NDUFAF6: variants seen among roughly 807,000 people sequenced by gnomAD.
The protein encoded by NDUFAF6 is NADH:ubiquinone oxidoreductase complex assembly factor 6, also known as NADH dehydrogenase (ubiquinone) complex I, assembly factor 6.
Under a neutral mutation model 40.8 loss-of-function variants are expected in NDUFAF6, and 45 were observed. The ratio of observed to expected loss-of-function variants is 1.10; its 90% CI spans 0.87 to 1.42. The LOEUF is 1.42. Ranked by LOEUF, NDUFAF6 falls within the 40% of genes most tolerant of loss-of-function variation. The probability of loss-of-function intolerance (pLI) is 0.00; values close to 1 mark genes in which losing one functional copy is unlikely to be tolerated. For synonymous variants in NDUFAF6, 185 were observed against 155.9 expected, an observed-to-expected ratio of 1.19 and a Z score of -1.39; for missense variants, 435 against 418.5, an observed-to-expected ratio of 1.04 and a Z score of -0.34.
At chr8:94,968,041 G>A (rs1824160684) in intron 1 of NDUFAF6, among the ~76,000 whole-genome samples, 2 of 152,146 alleles carry the variant, frequency 1.3e-5, no homozygotes, top group Admixed American at 1.3e-4. Flanking sequence ...GTAGTTGGCA[G>A]GCCCCAGGTC....
At chr8:95,010,727 T>C (rs1235341004) in intron 2 of NDUFAF6, among the ~76,000 whole-genome samples, 2 of 151,958 alleles carry the variant, frequency 1.3e-5, no homozygotes, top group African/African-American at 4.8e-5. Flanking sequence ...TTTCAGACTC[T>C]TTAAAAAAAA....
intron 3 of NDUFAF6, among the ~76,000 whole-genome samples, 180 bp downstream of exon 3, chr8:95,035,756 T>C (rs1829432226): frequency 6.6e-6 from 1 of 152,234 alleles, no homozygotes; most frequent in Admixed American, 6.5e-5. Context: ...ACTGATAATT[T>C]ACACACATCT....
chr8:94,941,903 C>G (rs1821573306), intron 1 of NDUFAF6, among the ~76,000 whole-genome samples: 1 of 152,156 alleles, frequency 6.6e-6, no homozygotes, highest in African/African-American at 2.4e-5. Flanking sequence ...ATGGGCGTAT[C>G]AAACCAAACA....
intron 1 of NDUFAF6, among the ~76,000 whole-genome samples, chr8:94,932,345 G>A (rs1198565717): frequency 6.6e-6 from 1 of 152,158 alleles, no homozygotes; most frequent in Non-Finnish European, 1.5e-5. Context: ...TCAATTTTCT[G>A]TGCTTTATGG....
chr8:94,904,292 C>T (rs1208912121), intron 1 of NDUFAF6, among the ~76,000 whole-genome samples: 2 of 146,064 alleles, frequency 1.4e-5, no homozygotes, highest in African/African-American at 5.2e-5. Flanking sequence ...TACAGGCACC[C>T]ACCATCACAC....
chr8:94,983,490 G>A (rs1385632923), intron 2 of NDUFAF6, among the ~76,000 whole-genome samples: 1 of 151,738 alleles, frequency 6.6e-6, no homozygotes, highest in Non-Finnish European at 1.5e-5. Flanking sequence ...GGTCTTGAAC[G>A]CCTGACCTCA....
downstream of NDUFAF6, among the ~76,000 whole-genome samples, chr8:95,077,442 T>G (rs1563856525): frequency 1.3e-5 from 2 of 152,186 alleles, no homozygotes; most frequent in African/African-American, 4.8e-5. Flanking sequence ...ACTAAGTCAC[T>G]AACTAAGTGA....
At chr8:95,044,451 C>CTTTTTTTTT (rs71273446) in intron 4 of NDUFAF6, 5 of 123,710 alleles carry the variant, frequency 4.0e-5, no homozygotes, top group African/African-American at 6.3e-5. Flanking sequence ...ATGTCATTTT[C>CTTTTTTTTT]TTTTTTTTTT....
At position 94,952,553 on chromosome 8, in the gene NDUFAF6, A is replaced by C. The variant is rs77285099; in HGVS notation, c.-798-5442A>C. ...ATCACTTAGCATTCCAGTGACATCTATTGTCTTAAGGGAAGAAAGGATCTG... is the reference window on the plus strand; with the variant it reads ...ATCACTTAGCATTCCAGTGACATCTCTTGTCTTAAGGGAAGAAAGGATCTG... On this transcript the variant is annotated intron_variant, in intron 2 of 14. Transcript: ENST00000396113. Among the ~76,000 whole-genome samples the C allele has an allele frequency of 5.9e-5, 9 of 152,330 alleles. No homozygotes were observed. The South Asian group carries it at 1.7e-3, about 28-fold the overall frequency.
At chr8:95,030,543 T>C (rs536572140) in intron 1 of NDUFAF6, among the ~76,000 whole-genome samples, 1 of 152,324 alleles carries the variant, frequency 6.6e-6, no homozygotes, top group South Asian at 2.1e-4. Flanking sequence ...CCTGTCATTA[T>C]TTTTTGATCC....
exon 2 of NDUFAF6, chr8:94,945,494 A>G (rs1047701826): frequency 6.6e-6 from 1 of 152,216 alleles, no homozygotes; most frequent in Non-Finnish European, 1.5e-5. Flanking sequence ...ACTGTTCTAG[A>G]AAAAGTCTTA....
At chr8:94,995,486 G>C (rs990392523) in intron 2 of NDUFAF6, among the ~76,000 whole-genome samples, 2 of 152,032 alleles carry the variant, frequency 1.3e-5, no homozygotes, top group African/African-American at 4.8e-5. Flanking sequence ...AATTTGAGCC[G>C]GGAATGGTGG....
At chr8:94,997,214 A>G (rs1387379962) in intron 2 of NDUFAF6, among the ~76,000 whole-genome samples, 2 of 151,732 alleles carry the variant, frequency 1.3e-5, no homozygotes, top group African/African-American at 4.8e-5. Flanking sequence ...TGGCTTGTGC[A>G]GCCACAGTGC....
chr8:94,961,395 A>G (rs1488255184), intron 1 of NDUFAF6, among the ~76,000 whole-genome samples: 1 of 152,248 alleles, frequency 6.6e-6, no homozygotes, highest in Non-Finnish European at 1.5e-5. Context: ...ACAACAATTC[A>G]GAGAATGAAG....
At chr8:95,057,440 T>G (rs2131996370) in intron 8 of NDUFAF6, among the ~76,000 whole-genome samples, 1 of 152,052 alleles carries the variant, frequency 6.6e-6, no homozygotes, top group Non-Finnish European at 1.5e-5. Context: ...ACACTACATT[T>G]GGGGGGTCGG....
chr8:94,899,748 CT>C (rs1817893966), intron 1 of NDUFAF6, among the ~76,000 whole-genome samples: 1 of 152,248 alleles, frequency 6.6e-6, no homozygotes, highest in East Asian at 1.9e-4. Context: ...GTGCAATACT[CT>C]TCTAACTGGT....
chr8:95,048,450 C>T lies in NDUFAF6; in HGVS notation c.715-7C>T. The T allele has an allele frequency of 1.2e-6, 2 of 1,602,818 alleles. No individual in the cohort carries two copies. Among genetic ancestry groups the T allele is most frequent in the Non-Finnish European group, 1.7e-6 (2 of 1,169,830 alleles). ...GTTCCTAATATAATGTATATTTCCC[C>T]ACACAGCATGGTGTTTCACAAGAGG... On this transcript the variant is annotated splice_polypyrimidine_tract_variant and splice_region_variant and intron_variant, in intron 6 of 8. Transcript: ENST00000396124.
chr8:94,904,320 CTTTTTTTT>C (rs57749627), intron 1 of NDUFAF6, among the ~76,000 whole-genome samples: 6 of 34,138 alleles, frequency 1.8e-4, no homozygotes, highest in East Asian at 1.2e-3. Context: ...ATTTTTTTTG[CTTTTTTTT>C]TTTTTTTTTT....
upstream of NDUFAF6, among the ~76,000 whole-genome samples, chr8:94,956,663 G>A (rs1017315591): frequency 7.9e-5 from 12 of 152,202 alleles, no homozygotes; most frequent in African/African-American, 2.7e-4. Context: ...GTAGATGGAA[G>A]GCAAGGAAAT....
Sources: gnomAD v4.1 joint callset for allele counts (sites outside exome capture counted in the v4.1 genomes callset) on GRCh38, gnomAD v4.1.1 for gene constraint, MANE v1.5 for transcripts, NCBI Gene and HGNC (gene_info 2026-07-23, HGNC 2026-07-21) for gene names.